CDH18: variants seen among roughly 807,000 people sequenced by gnomAD.
CDH18 encodes cadherin 18.
CDH18 carries 31 observed loss-of-function variants against 67.9 expected under a neutral mutation model. That is an observed-to-expected ratio of 0.46 (90% confidence interval 0.34 to 0.62). The LOEUF is 0.62. Among genes scored for constraint, CDH18 ranks in the 20% least tolerant of loss-of-function variants. The pLI is 0.01. For missense variants in CDH18, 890 were observed against 975.5 expected, an observed-to-expected ratio of 0.91 and a Z score of 1.17; for synonymous variants, 362 against 347.2, an observed-to-expected ratio of 1.04 and a Z score of -0.48.
At chr5:20,546,061 C>T (rs549199766) in intron 1 of CDH18, among the ~76,000 whole-genome samples, 51 of 152,256 alleles carry the variant, frequency 3.3e-4, no homozygotes, top group Middle Eastern at 6.8e-3. Flanking sequence ...CAAAGTTCCA[C>T]AGATCTCTAG....
intron 5 of CDH18, among the ~76,000 whole-genome samples, chr5:19,717,511 T>A (rs1347830074): frequency 6.6e-6 from 1 of 152,096 alleles, no homozygotes; most frequent in Non-Finnish European, 1.5e-5. Context: ...TGTGTAGGAA[T>A]TTGATCACTC....
At position 19,822,625 on chromosome 5, in the gene CDH18, G is replaced by C. The variant is rs547705676; in HGVS notation, c.228+16134C>G. On this transcript the variant is annotated intron_variant, in intron 3 of 12. Coordinates refer to ENST00000382275, the MANE Select transcript of CDH18 (RefSeq NM_004934.5). The stretch of plus-strand genomic sequence containing the variant: ...CAAGTTTTTATTAGTGATTTTCAAA[G>C]GGGAGGGAGTGTACGAATAGGGTGT... Among the ~76,000 whole-genome samples the C allele has an allele frequency of 4.3e-4, 66 of 152,258 alleles. 1 individual carries two copies. Among genetic ancestry groups the C allele is most frequent in the Admixed American group, 3.2e-3 (49 of 15,290 alleles).
chr5:20,513,876 A>G (rs544840120), intron 1 of CDH18, among the ~76,000 whole-genome samples: 9 of 152,284 alleles, frequency 5.9e-5, no homozygotes, highest in African/African-American at 2.2e-4. Context: ...AAATAAATGG[A>G]ATTCAAAAAT....
chr5:20,068,480 G>A (rs1234925537), intron 2 of CDH18, among the ~76,000 whole-genome samples: 2 of 152,070 alleles, frequency 1.3e-5, no homozygotes, highest in Non-Finnish European at 2.9e-5. Flanking sequence ...GTATATGGGA[G>A]TAGGGTTTGG....
At chr5:20,171,297 G>A (rs910988136) in intron 2 of CDH18, among the ~76,000 whole-genome samples, 4 of 151,992 alleles carry the variant, frequency 2.6e-5, no homozygotes, top group African/African-American at 7.2e-5. Flanking sequence ...TTGTCACACT[G>A]CTTTCCACAG....
chr5:20,561,850 C>T (rs567749632), intron 1 of CDH18, among the ~76,000 whole-genome samples: 2 of 151,734 alleles, frequency 1.3e-5, no homozygotes, highest in South Asian at 4.2e-4. Context: ...TTTTTCACCT[C>T]GTAATGTCTT....
chr5:20,556,340 G>C (rs928405592), intron 1 of CDH18, among the ~76,000 whole-genome samples: 1 of 152,080 alleles, frequency 6.6e-6, no homozygotes, highest in African/African-American at 2.4e-5. Context: ...GTGGTAAAGG[G>C]ACCATTGCAG....
At chr5:20,431,323 T>C (rs1294259696) in intron 1 of CDH18, among the ~76,000 whole-genome samples, 1 of 151,680 alleles carries the variant, frequency 6.6e-6, no homozygotes, top group Non-Finnish European at 1.5e-5. Flanking sequence ...AAATTCTGTC[T>C]CTACTAAAAT....
chr5:19,640,137 C>A (rs145956972), intron 5 of CDH18, among the ~76,000 whole-genome samples: 11 of 152,180 alleles, frequency 7.2e-5, no homozygotes, highest in African/African-American at 2.6e-4. Flanking sequence ...CAAGTTGTAA[C>A]TAAAACATAA....
At position 20,519,696 on chromosome 5, in the gene CDH18, G is replaced by A. The variant is rs539898261; in HGVS notation, c.-580+55766C>T. On this transcript the variant is annotated intron_variant, in intron 1 of 14. Transcript: ENST00000507958. ...ATTTGTCCTTTGTGAGATTGTTTGC[G>A]GTTGAAATCCCATTTATCCAAGTGT... Among the ~76,000 whole-genome samples the A allele has an allele frequency of 2.9e-4, 43 of 146,254 alleles. No homozygotes were observed. The South Asian group carries it at 7.6e-3, about 26-fold the overall frequency.
intron 2 of CDH18, among the ~76,000 whole-genome samples, chr5:20,079,866 G>A (rs751297253): frequency 1.3e-5 from 2 of 152,058 alleles, no homozygotes; most frequent in African/African-American, 2.4e-5. Flanking sequence ...ATAGTTTCTG[G>A]TTTGCAAACA....
At chr5:19,580,271 A>T (rs1743025177) in intron 7 of CDH18, among the ~76,000 whole-genome samples, 1 of 151,834 alleles carries the variant, frequency 6.6e-6, no homozygotes, top group African/African-American at 2.4e-5. Flanking sequence ...CCATGCAAAT[A>T]TTTCACTGAC....
At chr5:19,493,052 T>G (rs1024322784) in intron 11 of CDH18, among the ~76,000 whole-genome samples, 4 of 152,182 alleles carry the variant, frequency 2.6e-5, no homozygotes, top group African/African-American at 9.7e-5. Flanking sequence ...TTCTGTCATC[T>G]CTATGTTGTT....
intron 2 of CDH18, among the ~76,000 whole-genome samples, chr5:19,875,856 A>G (rs560661228): frequency 2.0e-4 from 30 of 147,054 alleles, no homozygotes; most frequent in African/African-American, 6.9e-4. Context: ...AAGATTTTAT[A>G]TTTTTAAATT....
At chr5:19,694,877 A>AC (rs1300945297) in intron 5 of CDH18, among the ~76,000 whole-genome samples, 1 of 151,466 alleles carries the variant, frequency 6.6e-6, no homozygotes, top group African/African-American at 2.4e-5. Flanking sequence ...CTGTCTCAAA[A>AC]AAAAAAAAAA....
chr5:19,782,042 A>T lies in CDH18; in HGVS notation c.229-34806T>A, dbSNP rs1337731055. ...TAGACTAACATGGGATATAATAGGGATATATGGATGCAAAAATAAAAAAAA... is the reference window on the plus strand; with the variant it reads ...TAGACTAACATGGGATATAATAGGGTTATATGGATGCAAAAATAAAAAAAA... On this transcript the variant is annotated intron_variant, in intron 3 of 12. Transcript: ENST00000382275. Among the ~76,000 whole-genome samples the T allele has an allele frequency of 3.9e-5, 6 of 152,170 alleles. No homozygotes were observed. In the South Asian group the frequency reaches 6.2e-4, roughly 16 times the overall value.
chr5:20,075,905 TTC>T (rs1416159868), intron 2 of CDH18, among the ~76,000 whole-genome samples: 2 of 152,158 alleles, frequency 1.3e-5, no homozygotes, highest in African/African-American at 4.8e-5. Flanking sequence ...TGAAACTTCT[TTC>T]TTCTTCTATT....
chr5:20,022,252 G>A (rs1311450464), intron 2 of CDH18, among the ~76,000 whole-genome samples: 1 of 152,158 alleles, frequency 6.6e-6, no homozygotes, highest in African/African-American at 2.4e-5. Context: ...CAGGTACTTC[G>A]TGGTCTAGTC....
intron 2 of CDH18, among the ~76,000 whole-genome samples, chr5:20,030,012 G>C (rs1024473209): frequency 2.0e-5 from 3 of 152,150 alleles, no homozygotes; most frequent in Non-Finnish European, 4.4e-5. Flanking sequence ...GATGGCTGTT[G>C]GCTGGGGGCC....
Sources: gnomAD v4.1 joint callset for allele counts (sites outside exome capture counted in the v4.1 genomes callset) on GRCh38, gnomAD v4.1.1 for gene constraint, MANE v1.5 for transcripts, NCBI Gene and HGNC (gene_info 2026-07-23, HGNC 2026-07-21) for gene names.